Variants in PTK2 observed in about 807,000 individuals in gnomAD.
The protein encoded by PTK2 is focal adhesion kinase 1.
In PTK2, 45 loss-of-function variants were observed where a neutral mutation model predicts 150.1. That is an observed-to-expected ratio of 0.30 (90% CI 0.24 to 0.38). The LOEUF is 0.38. PTK2 is among the 10% of genes least tolerant of loss of function. The probability of loss-of-function intolerance (pLI) is 1.00; values close to 1 mark genes in which losing one functional copy is unlikely to be tolerated. For missense variants in PTK2, 919 were observed against 1,307.3 expected, an observed-to-expected ratio of 0.70 and a Z score of 4.58; for synonymous variants, 432 against 449.2, an observed-to-expected ratio of 0.96 and a Z score of 0.48.
At chr8:140,764,154 G>T (rs1565892272) in intron 15 of PTK2, 80 bp downstream of exon 17, 2 of 1,160,656 alleles carry the variant, frequency 1.7e-6, no homozygotes, top group Non-Finnish European at 2.6e-6. Context: ...GCTCTAAAAA[G>T]ACAGTAAGTA....
At chr8:140,749,071 A>G (rs971503192) in intron 17 of PTK2, among the ~76,000 whole-genome samples, 1 of 152,258 alleles carries the variant, frequency 6.6e-6, no homozygotes, top group Admixed American at 6.5e-5. Context: ...GGGCAAAACA[A>G]TATTAGTGGG....
chr8:140,782,521 A>C (rs2100082407), intron 14 of PTK2, among the ~76,000 whole-genome samples: 1 of 152,166 alleles, frequency 6.6e-6, no homozygotes, highest in South Asian at 2.1e-4. Context: ...TACAGGCGTG[A>C]GGCACTGTGC....
At chr8:140,660,413 C>G (rs1400881846) in intron 31 of PTK2, among the ~76,000 whole-genome samples, 4 of 152,120 alleles carry the variant, frequency 2.6e-5, no homozygotes, top group Non-Finnish European at 4.4e-5. Context: ...CCTTCCTTGG[C>G]TATACAAAAA....
At chr8:140,764,084 T>G in intron 15 of PTK2, 150 bp downstream of exon 17, 1 of 757,298 alleles carries the variant, frequency 1.3e-6, no homozygotes, top group Non-Finnish European at 2.3e-6. Context: ...GTAAGTAATA[T>G]AGAATGGTAA....
intron 26 of PTK2, among the ~76,000 whole-genome samples, chr8:140,692,106 C>G (rs543356571): frequency 6.6e-6 from 1 of 152,250 alleles, no homozygotes; most frequent in South Asian, 2.1e-4. Context: ...AAATGACTTT[C>G]TTTAATGCAT....
At chr8:140,792,788 C>T (rs2100089266) in intron 13 of PTK2, among the ~76,000 whole-genome samples, 1 of 152,206 alleles carries the variant, frequency 6.6e-6, no homozygotes, top group Non-Finnish European at 1.5e-5. Context: ...GTAAATATCT[C>T]TGAAAGCACT....
chr8:140,915,502 C>G (rs1469009291), intron 2 of PTK2, among the ~76,000 whole-genome samples: 3 of 152,094 alleles, frequency 2.0e-5, no homozygotes, highest in African/African-American at 7.2e-5. Context: ...ACTTAGGAGG[C>G]TGGGAGTGGG....
intron 1 of PTK2, among the ~76,000 whole-genome samples, chr8:140,944,220 T>G (rs1287321964): frequency 6.6e-6 from 1 of 152,232 alleles, no homozygotes. Context: ...GAAACTACAC[T>G]CTTCCCTCAG....
chr8:140,879,572 G>A, exon 4 of PTK2: 1 of 1,605,384 alleles, frequency 6.2e-7, no homozygotes, highest in Non-Finnish European at 8.5e-7. Flanking sequence ...GCAGGTGACT[G>A]AGGCGGAATC....
chr8:140,808,169 G>T (rs2100099227), intron 10 of PTK2, among the ~76,000 whole-genome samples: 1 of 152,182 alleles, frequency 6.6e-6, no homozygotes, highest in Non-Finnish European at 1.5e-5. Context: ...ATGCTGACAG[G>T]AACAATCCAG....
At chr8:140,818,643 G>A (rs139404375) in intron 9 of PTK2, among the ~76,000 whole-genome samples, 69 of 152,122 alleles carry the variant, frequency 4.5e-4, no homozygotes, top group Non-Finnish European at 8.2e-4. Context: ...AAATCACAGG[G>A]ATAAAATTTT....
At chr8:140,683,923 GGAAGCACTCCCCT>G (rs1444761594) in intron 27 of PTK2, among the ~76,000 whole-genome samples, 2 of 152,102 alleles carry the variant, frequency 1.3e-5, no homozygotes, top group African/African-American at 4.8e-5. Flanking sequence ...GGCAAAGGCT[GGAAGCACTCCCCT>G]GAAGAACTGA....
chr8:140,968,180 G>C (rs1459339473), intron 1 of PTK2, among the ~76,000 whole-genome samples: 2 of 152,170 alleles, frequency 1.3e-5, no homozygotes, highest in Non-Finnish European at 2.9e-5. Context: ...AAAAGAGGCT[G>C]TAAAATTATT....
intron 7 of PTK2, among the ~76,000 whole-genome samples, chr8:140,843,397 T>G (rs774144865): frequency 2.6e-5 from 4 of 152,194 alleles, no homozygotes; most frequent in Non-Finnish European, 4.4e-5. Flanking sequence ...TTTGTATACC[T>G]CTGGTTCTCA....
At chr8:140,681,578 C>T (rs941580502) in intron 27 of PTK2, among the ~76,000 whole-genome samples, 21 of 152,192 alleles carry the variant, frequency 1.4e-4, no homozygotes, top group African/African-American at 3.1e-4. Flanking sequence ...GAGATCGAGA[C>T]CATCCCGGCT....
intron 24 of PTK2, among the ~76,000 whole-genome samples, chr8:140,705,356 T>TA (rs1050334318): frequency 2.0e-5 from 3 of 151,920 alleles, no homozygotes; most frequent in Non-Finnish European, 2.9e-5. Flanking sequence ...ACATTACGAG[T>TA]AAAAAAAGAT....
intron 14 of PTK2, among the ~76,000 whole-genome samples, chr8:140,767,158 T>C (rs1282248050): frequency 6.6e-6 from 1 of 152,184 alleles, no homozygotes; most frequent in African/African-American, 2.4e-5. Context: ...GTAAAATAAA[T>C]AGGCTAATAT....
At chr8:140,833,165 A>T (rs775475885) in intron 7 of PTK2, 1 of 419,872 alleles carries the variant, frequency 2.4e-6, no homozygotes. Flanking sequence ...AAAGGTGAAG[A>T]CAACTCCATT....
intron 27 of PTK2, among the ~76,000 whole-genome samples, chr8:140,676,889 C>T (rs1027265236): frequency 7.0e-6 from 1 of 142,154 alleles, no homozygotes; most frequent in Admixed American, 7.6e-5. Flanking sequence ...TGCAGTGAGC[C>T]GAGATCACGT....
Sources: gnomAD v4.1 joint callset for allele counts (sites outside exome capture counted in the v4.1 genomes callset) on GRCh38, gnomAD v4.1.1 for gene constraint, MANE v1.5 for transcripts, NCBI Gene and HGNC (gene_info 2026-07-23, HGNC 2026-07-21) for gene names.